PDE11A: variants seen among roughly 807,000 people sequenced by gnomAD.
PDE11A encodes the protein dual 3',5'-cyclic-AMP and -GMP phosphodiesterase 11A.
PDE11A carries 100 observed loss-of-function variants against 100.5 expected under a neutral mutation model. That is an observed-to-expected ratio of 1.00 (90% CI 0.85 to 1.18). The LOEUF is 1.18. Ranked by LOEUF, PDE11A falls within the 50% of genes most tolerant of loss-of-function variation. The pLI is 0.00. For missense variants in PDE11A, 1,141 were observed against 1,152.6 expected, an observed-to-expected ratio of 0.99 and a Z score of 0.15; for synonymous variants, 381 against 420.8, an observed-to-expected ratio of 0.91 and a Z score of 1.16.
intron 2 of PDE11A, chr2:178,092,873 T>G (rs1304730465): frequency 6.6e-6 from 1 of 152,274 alleles, no homozygotes; most frequent in African/African-American, 2.4e-5. Flanking sequence ...GGTGCTGGGA[T>G]TACAGGTGTG....
intron 19 of PDE11A, among the ~76,000 whole-genome samples, chr2:177,644,890 A>T (rs2080200058): frequency 6.6e-6 from 1 of 152,222 alleles, no homozygotes; most frequent in South Asian, 2.1e-4. Flanking sequence ...TTCCCTGCAC[A>T]AGCTCTCCCT....
intron 2 of PDE11A, among the ~76,000 whole-genome samples, chr2:177,929,283 C>T (rs2085174900): frequency 6.6e-6 from 1 of 152,232 alleles, no homozygotes; most frequent in Non-Finnish European, 1.5e-5. Flanking sequence ...AGTTCACACT[C>T]TCTGGGGTTT....
At chr2:177,705,828 C>A (rs1003515648) in intron 13 of PDE11A, among the ~76,000 whole-genome samples, 20 of 152,114 alleles carry the variant, frequency 1.3e-4, no homozygotes, top group African/African-American at 4.6e-4. Flanking sequence ...TGGCCGAAAG[C>A]GACAAGATGG....
Position 177,817,860 on chromosome 2 carries a change from C to A in PDE11A, c.1642G>T (p.Glu548Ter), listed in dbSNP as rs751687816. 6.8e-7 allele frequency: 1 copy of A among 1,463,392 alleles called. No homozygotes were observed. Among genetic ancestry groups the A allele is most frequent in the Non-Finnish European group, 9.6e-7 (1 of 1,044,792 alleles). 90.7% of individuals were successfully genotyped at this position (1,463,392 alleles called of 1,614,324 possible). A position where few individuals can be genotyped will look rare whatever the true frequency, so the allele number is the denominator to read the frequency against. The change falls in exon 8 of 20, where the codon GAG (glutamate) becomes TAG (stop). Residue 548 changes from glutamate to a stop codon, truncating the protein, a stop_gained and splice_region_variant. Coordinates refer to ENST00000286063, the MANE Select transcript of PDE11A (RefSeq NM_016953.4). LOFTEE classifies it high-confidence loss of function. Reference sequence around the variant, plus strand: ...GGTTTATAAATTTATTTTCTTACCTCAAAAAGTCGTTGATCTGCATCATCA... The same window carrying A: ...GGTTTATAAATTTATTTTCTTACCTAAAAAAGTCGTTGATCTGCATCATCA... ...PFDDADQRLF[E>*]AFVIFCGLGI...
chr2:178,022,934 T>C (rs2086431672), intron 1 of PDE11A, among the ~76,000 whole-genome samples: 1 of 152,254 alleles, frequency 6.6e-6, no homozygotes, highest in Non-Finnish European at 1.5e-5. Flanking sequence ...ATATTTTAAG[T>C]ACAACTGCTC....
chr2:177,972,196 T>C (rs1187913432), intron 2 of PDE11A, among the ~76,000 whole-genome samples: 2 of 152,162 alleles, frequency 1.3e-5, no homozygotes, highest in Non-Finnish European at 2.9e-5. Flanking sequence ...TGTAGACCAT[T>C]TGTAGAAGAG....
chr2:177,900,147 G>A (rs1404651880), intron 3 of PDE11A, among the ~76,000 whole-genome samples: 1 of 152,200 alleles, frequency 6.6e-6, no homozygotes, highest in East Asian at 1.9e-4. Flanking sequence ...TGGCATGGAT[G>A]TTTCCAGAGA....
At chr2:177,979,649 C>T (rs1284902038) in intron 2 of PDE11A, among the ~76,000 whole-genome samples, 1 of 128,974 alleles carries the variant, frequency 7.8e-6, no homozygotes, top group Non-Finnish European at 1.6e-5. Flanking sequence ...CTCACTCTGT[C>T]GCCCAGCCTG....
chr2:177,781,830 C>G (rs1037431591), intron 9 of PDE11A, among the ~76,000 whole-genome samples: 2 of 152,100 alleles, frequency 1.3e-5, no homozygotes, highest in Non-Finnish European at 2.9e-5. Context: ...ACTTCTTGAC[C>G]AAAGAGATAT....
chr2:178,030,516 A>G (rs1162401405), intron 1 of PDE11A, among the ~76,000 whole-genome samples: 1 of 152,144 alleles, frequency 6.6e-6, no homozygotes, highest in East Asian at 1.9e-4. Flanking sequence ...ATGGAAAAAG[A>G]AAGACCATTC....
At chr2:177,792,169 A>G (rs1374785570) in intron 9 of PDE11A, among the ~76,000 whole-genome samples, 1 of 152,162 alleles carries the variant, frequency 6.6e-6, no homozygotes, top group Non-Finnish European at 1.5e-5. Flanking sequence ...TCTTAATCAT[A>G]TAGGTTATTA....
At chr2:177,881,005 C>A (rs2084324331) in intron 4 of PDE11A, among the ~76,000 whole-genome samples, 1 of 152,146 alleles carries the variant, frequency 6.6e-6, no homozygotes, top group East Asian at 1.9e-4. Flanking sequence ...TGAAGTGTTT[C>A]TGGAAGAGAT....
At chr2:177,972,556 A>G (rs547135401) in intron 2 of PDE11A, among the ~76,000 whole-genome samples, 1 of 152,318 alleles carries the variant, frequency 6.6e-6, no homozygotes, top group Admixed American at 6.5e-5. Flanking sequence ...TGTGGAAAGA[A>G]TGGCTGAATT....
chr2:177,814,852 T>C (rs2083011483), intron 9 of PDE11A, among the ~76,000 whole-genome samples: 1 of 152,166 alleles, frequency 6.6e-6, no homozygotes, highest in Non-Finnish European at 1.5e-5. Flanking sequence ...GTAGGAGTAG[T>C]GCCAGTGAGA....
rs762826538 is a variant in PDE11A at position 177,840,402 on chromosome 2, A to G, written c.1368-19T>C. The G allele has an allele frequency of 6.2e-7, 1 of 1,612,532 alleles. No individual in the cohort carries two copies. The highest frequency in any genetic ancestry group is 8.5e-7 in the Non-Finnish European group (1 of 1,178,688). On this transcript the variant is annotated intron_variant, in intron 5 of 19. Coordinates refer to ENST00000286063, the MANE Select transcript of PDE11A (RefSeq NM_016953.4). ...TTTGAAACTATCAGAGCACCAAGGT[A>G]GGCAGGAAGAAAAGAGAGAAACGTA...
In PDE11A at chr2:177,804,312, C is replaced by T. The variant is rs117486192; in HGVS notation, c.1737+12517G>A. Among the ~76,000 whole-genome samples the T allele has an allele frequency of 1.0e-4, 15 of 144,426 alleles. No individual in the cohort carries two copies. In the East Asian group the frequency reaches 2.8e-3, roughly 27 times the overall value. The allele number at this position is 144,426 out of a possible 152,430, so 94.7% of individuals were successfully genotyped here. A position where few individuals can be genotyped will look rare whatever the true frequency, so the allele number is the denominator to read the frequency against. On this transcript the variant is annotated intron_variant, in intron 9 of 19. Coordinates refer to ENST00000286063, the MANE Select transcript of PDE11A (RefSeq NM_016953.4). ...GGGGAAAGGACATGTAAGCCGGCAA[C>T]AAATACATGAAAAAAATGTTTGACA...
In PDE11A at chr2:177,977,754, G is replaced by C. The variant is rs1232817292; in HGVS notation, c.1071+36548C>G. Among the ~76,000 whole-genome samples, 8 of 146,836 alleles carry C rather than the reference G, an allele frequency of 5.4e-5. No homozygotes were observed. The East Asian group carries it at 1.6e-3, about 29-fold the overall frequency. ...ACCAAAACAGAGATATAGATCAATG[G>C]AACAGAAATAATGCCGCATATCTAC... On this transcript the variant is annotated intron_variant, in intron 2 of 19. Coordinates refer to ENST00000286063, the MANE Select transcript of PDE11A (RefSeq NM_016953.4).
At chr2:177,825,139 A>T (rs2083208318) in intron 6 of PDE11A, among the ~76,000 whole-genome samples, 1 of 152,210 alleles carries the variant, frequency 6.6e-6, no homozygotes, top group Admixed American at 6.5e-5. Context: ...TTGAAGGCAA[A>T]AATGGTCAAG....
chr2:177,725,937 G>A (rs1245738949), intron 12 of PDE11A, among the ~76,000 whole-genome samples: 1 of 151,914 alleles, frequency 6.6e-6, no homozygotes, highest in Admixed American at 6.6e-5. Context: ...TACTTATTTT[G>A]GCAATTCGCA....
Sources: allele counts gnomAD v4.1 joint callset (sites outside exome capture counted in the v4.1 genomes callset), GRCh38; gene constraint gnomAD v4.1.1; transcripts MANE v1.5; gene names NCBI Gene and HGNC (gene_info 2026-07-23, HGNC 2026-07-21).